Variants in RPN2 observed in about 807,000 individuals in gnomAD.
RPN2 encodes ribophorin II.
A neutral mutation model predicts 71.4 loss-of-function variants in RPN2; 29 were observed. The observed-to-expected ratio is 0.41, with a 90% confidence interval of 0.30 to 0.55. The LOEUF (loss-of-function observed/expected upper bound fraction) is 0.55. Ranked by LOEUF, RPN2 falls within the 20% of genes least tolerant of loss-of-function variation. The pLI, the probability that RPN2 is intolerant of heterozygous loss-of-function variation, is 0.35. For missense variants in RPN2, 726 were observed against 774.1 expected (o/e 0.94, Z 0.74); for synonymous variants, 308 against 305.0 (o/e 1.01, Z -0.10).
rs377635098 is a variant in RPN2 at position 37,219,485 on chromosome 20, T to G, written c.1093-4393T>G. Among the ~76,000 whole-genome samples, 6 of 152,316 alleles carry G rather than the reference T, an allele frequency of 3.9e-5. No homozygotes were observed. In the East Asian group the frequency reaches 7.7e-4, roughly 20 times the overall value. On this transcript the variant is annotated intron_variant, in intron 9 of 16. Coordinates refer to ENST00000237530, the MANE Select transcript of RPN2 (RefSeq NM_002951.5). The stretch of plus-strand genomic sequence containing the variant: ...TAGAGGTTCCTTATTAAATACATGA[T>G]TTGCAAATATTTTCTCACAGTCTGA...
At chr20:37,198,562 T>A in intron 3 of RPN2, 70 bp downstream of exon 3, 1 of 1,609,518 alleles carries the variant, frequency 6.2e-7, no homozygotes. Flanking sequence ...GGAGGAGTCA[T>A]GTCAAACATC....
chr20:37,218,034 G>A (rs565826366), intron 9 of RPN2, among the ~76,000 whole-genome samples: 17 of 152,216 alleles, frequency 1.1e-4, no homozygotes, highest in African/African-American at 3.6e-4. Context: ...CACTAGGCCC[G>A]GCCAAGAGTT....
At chr20:37,220,876 C>T (rs972416771) in intron 9 of RPN2, among the ~76,000 whole-genome samples, 2 of 152,172 alleles carry the variant, frequency 1.3e-5, no homozygotes, top group African/African-American at 4.8e-5. Flanking sequence ...TTAAACTGTT[C>T]CCTATTTAGG....
At chr20:37,213,159 A>T (rs2067716300) in intron 8 of RPN2, among the ~76,000 whole-genome samples, 1 of 152,218 alleles carries the variant, frequency 6.6e-6, no homozygotes, top group South Asian at 2.1e-4. Context: ...TTTTGTTGTC[A>T]TTGTGAAACA....
intron 6 of RPN2, among the ~76,000 whole-genome samples, chr20:37,206,546 C>A (rs1169159056): frequency 6.6e-6 from 1 of 152,082 alleles, no homozygotes; most frequent in Non-Finnish European, 1.5e-5. Context: ...TAATAGCAAT[C>A]TTTTATAGTT....
Position 37,184,339 on chromosome 20 carries a change from T to C in RPN2, c.173T>C (p.Leu58Pro). ...TCTGCCTTCTACTCCATCGTGGGAC[T>C]CAGCAGCCTTGGTGCTCAGGTGCCA... ...LESAFYSIVG[L>P]SSLGAQVPDA... Residue 58 changes from leucine (L) to proline (P), a missense_variant, in exon 2 of 17, where the codon CTC (leucine) becomes CCC (proline). Physicochemically the swap from Leu to Pro is moderately conservative, Grantham distance 98. Transcript: ENST00000237530. The C allele has an allele frequency of 6.2e-7, 1 of 1,614,226 alleles. No homozygotes were observed. Among genetic ancestry groups the C allele is most frequent in the South Asian group, 1.1e-5 (1 of 91,084 alleles).
chr20:37,210,528 CTT>C (rs10566074), intron 8 of RPN2, among the ~76,000 whole-genome samples: 83,190 of 118,784 alleles, frequency 0.7, 27,709 homozygotes, highest in Middle Eastern at 0.79. Context: ...CTTTTGCTAA[CTT>C]TTTTTTTTTT....
intron 2 of RPN2, among the ~76,000 whole-genome samples, chr20:37,188,213 A>G (rs2067056247): frequency 6.6e-6 from 1 of 151,910 alleles, no homozygotes; most frequent in Non-Finnish European, 1.5e-5. Flanking sequence ...TCTGTTGCCA[A>G]GCTGGAGTGC....
rs887023037 is a variant in RPN2 at position 37,232,306 on chromosome 20, G to A, written c.1592G>A (p.Arg531His). The A allele has an allele frequency of 1.2e-6, 2 of 1,614,154 alleles. No individual in the cohort carries two copies. Among genetic ancestry groups the A allele is most frequent in the Non-Finnish European group, 1.7e-6 (2 of 1,180,018 alleles). ...TGTGTCTTTCGGCAGCACCTGTTCC[G>A]CGAGCCTGAGAAGAGGCCCCCCACC... The part of the protein sequence containing the change: ...TPKQEIQHLF[R>H]EPEKRPPTVV... The change falls in exon 14 of 17, where the codon CGC (arginine) becomes CAC (histidine). Residue 531 changes from arginine to histidine, a missense_variant. By Grantham distance (29) the Arg-to-His change is conservative. Coordinates refer to ENST00000237530, the MANE Select transcript of RPN2 (RefSeq NM_002951.5).
At chr20:37,202,965 A>G (rs887992603) in intron 4 of RPN2, among the ~76,000 whole-genome samples, 7 of 151,912 alleles carry the variant, frequency 4.6e-5, no homozygotes, top group Non-Finnish European at 4.4e-5. Flanking sequence ...TCACTCTGTC[A>G]CTTAGGCTGA....
At chr20:37,191,145 C>T (rs1164246629) in intron 2 of RPN2, among the ~76,000 whole-genome samples, 2 of 152,096 alleles carry the variant, frequency 1.3e-5, no homozygotes, top group Non-Finnish European at 2.9e-5. Flanking sequence ...ACTATGGAGA[C>T]AGCAGTGTGG....
chr20:37,190,967 C>G (rs2067125254), intron 2 of RPN2, among the ~76,000 whole-genome samples: 1 of 152,180 alleles, frequency 6.6e-6, no homozygotes, highest in African/African-American at 2.4e-5. Context: ...GGTGCATGTC[C>G]TGCTCAGCTG....
intron 8 of RPN2, 64 bp downstream of exon 8, chr20:37,210,229 C>T: frequency 1.2e-6 from 2 of 1,605,498 alleles, no homozygotes. Context: ...AGCCTGCAGC[C>T]AGTGTAACAG....
At chr20:37,201,542 T>C (rs1466889698) in intron 4 of RPN2, among the ~76,000 whole-genome samples, 1 of 152,154 alleles carries the variant, frequency 6.6e-6, no homozygotes, top group Non-Finnish European at 1.5e-5. Flanking sequence ...GTGTTTCTGT[T>C]GTCTTGTAGA....
In RPN2 at chr20:37,210,181, A is replaced by G; in HGVS notation, c.986+16A>G. ...CCCCTGTAGGGTAAGTCCTGATCAT[A>G]TTTTGGTGGGGCGCTGACCTCTTTG... is the stretch of plus-strand genomic sequence containing the variant. On this transcript the variant is annotated intron_variant, in intron 8 of 16. Transcript: ENST00000237530. 1 of 1,613,424 alleles carries G rather than the reference A, an allele frequency of 6.2e-7. No individual in the cohort carries two copies. Among genetic ancestry groups the G allele is most frequent in the Admixed American group, 1.7e-5 (1 of 60,022 alleles).
chr20:37,233,211 A>C (rs1019661324), intron 14 of RPN2, among the ~76,000 whole-genome samples: 1 of 151,258 alleles, frequency 6.6e-6, no homozygotes, highest in Non-Finnish European at 1.5e-5. Context: ...ACCCTGTCTA[A>C]AAAAAAAATA....
intron 4 of RPN2, 59 bp from the exon 5 acceptor site, chr20:37,203,826 G>A: frequency 8.6e-7 from 1 of 1,158,082 alleles, no homozygotes; most frequent in Non-Finnish European, 1.3e-6. Context: ...AGTACGGGAA[G>A]GGGTGAGTGG....
chr20:37,188,783 A>AT lies in RPN2; in HGVS notation c.207+4410_207+4411insT, dbSNP rs1340130252. On this transcript the variant is annotated intron_variant, in intron 2 of 16. Transcript: ENST00000237530. ...AGTCACCTGTCACCATGCCTAGCTA[A>AT]ATTTTTTTTTTTTTTAATATTTGTA... 2.5e-3 allele frequency among the ~76,000 whole-genome samples: 322 copies of AT among 131,042 alleles called. 1 individual carries two copies. Among genetic ancestry groups the AT allele is most frequent in the Non-Finnish European group, 4.1e-3 (242 of 58,568 alleles). The allele number at this position is 131,042 out of a possible 152,430, so 86.0% of individuals were successfully genotyped here.
intron 4 of RPN2, among the ~76,000 whole-genome samples, chr20:37,202,414 A>G (rs1305521651): frequency 6.6e-6 from 1 of 152,194 alleles, no homozygotes; most frequent in African/African-American, 2.4e-5. Context: ...TGTTCTTGAC[A>G]TAAGCAGACA....
Sources: gnomAD v4.1 joint callset for allele counts (sites outside exome capture counted in the v4.1 genomes callset) on GRCh38, gnomAD v4.1.1 for gene constraint, MANE v1.5 for transcripts, NCBI Gene and HGNC (gene_info 2026-07-23, HGNC 2026-07-21) for gene names.